LINGO2: variants seen among roughly 807,000 people sequenced by gnomAD.
LINGO2 encodes leucine rich repeat and Ig domain containing 2, also known as leucine-rich repeat and immunoglobulin-like domain-containing nogo receptor-interacting protein 2.
In LINGO2, 14 loss-of-function variants were observed where a neutral mutation model predicts 30.6. The observed-to-expected ratio is 0.46, with a 90% confidence interval of 0.30 to 0.72. The LOEUF is 0.72. Among genes scored for constraint, LINGO2 ranks in the 30% least tolerant of loss-of-function variants. The pLI is 0.07. For synonymous variants in LINGO2, 317 were observed against 288.5 expected (o/e 1.10, Z -1.00); for missense variants, 729 against 751.7 (o/e 0.97, Z 0.35).
At chr9:28,722,933 C>T in the LINGO2 span, among the ~76,000 whole-genome samples, 2 of 152,098 alleles carry the variant, frequency 1.3e-5, no homozygotes, top group Non-Finnish European at 2.9e-5. Context: ...CTGCTTATCA[C>T]ATGATGCTGC....
At chr9:28,490,070 T>A (rs1214724152) in intron 1 of LINGO2, among the ~76,000 whole-genome samples, 1 of 152,080 alleles carries the variant, frequency 6.6e-6, no homozygotes, top group Non-Finnish European at 1.5e-5. Flanking sequence ...AGTCTTGGCA[T>A]AAAATCAGTC....
intron 4 of LINGO2, among the ~76,000 whole-genome samples, chr9:28,184,575 G>A (rs553525062): frequency 1.1e-4 from 16 of 150,250 alleles, no homozygotes; most frequent in Middle Eastern, 6.9e-3. Flanking sequence ...GAGGAAGGAG[G>A]GTAAGAGGGG....
At chr9:28,718,077 A>G in the LINGO2 span, among the ~76,000 whole-genome samples, 1 of 152,024 alleles carries the variant, frequency 6.6e-6, no homozygotes, top group Non-Finnish European at 1.5e-5. Context: ...GATGGCAGGG[A>G]CAGAAAAAAT....
the LINGO2 span, among the ~76,000 whole-genome samples, chr9:28,686,034 C>T: frequency 6.6e-6 from 1 of 150,730 alleles, no homozygotes; most frequent in Admixed American, 6.6e-5. Context: ...AATCAATAAC[C>T]AAACATTCTA....
chr9:28,571,171 C>A (rs1480770242), intron 1 of LINGO2, among the ~76,000 whole-genome samples: 1 of 151,912 alleles, frequency 6.6e-6, no homozygotes, highest in African/African-American at 2.4e-5. Context: ...ACTTTCATGG[C>A]TGCTTATGAC....
chr9:28,910,768 T>C, the LINGO2 span, among the ~76,000 whole-genome samples: 1 of 151,998 alleles, frequency 6.6e-6, no homozygotes, highest in Non-Finnish European at 1.5e-5. Context: ...TTTTTTTCTT[T>C]ATAAATTACC....
intron 4 of LINGO2, among the ~76,000 whole-genome samples, chr9:28,170,121 C>A (rs745820857): frequency 8.5e-5 from 13 of 152,092 alleles, no homozygotes; most frequent in Non-Finnish European, 7.4e-5. Flanking sequence ...AGTGCCAGGA[C>A]CATACCTGGT....
intron 1 of LINGO2, among the ~76,000 whole-genome samples, chr9:28,517,864 G>T (rs1283407884): frequency 2.0e-5 from 3 of 152,038 alleles, no homozygotes; most frequent in Non-Finnish European, 4.4e-5. Flanking sequence ...TCATCCTCAA[G>T]GTACAAAGAT....
chr9:28,291,403 G>A (rs541720176), intron 4 of LINGO2, among the ~76,000 whole-genome samples: 42 of 152,268 alleles, frequency 2.8e-4, no homozygotes, highest in African/African-American at 9.9e-4. Flanking sequence ...GGGAGATGGC[G>A]TCACTTGTTT....
chr9:28,802,383 G>C, the LINGO2 span, among the ~76,000 whole-genome samples: 1 of 152,028 alleles, frequency 6.6e-6, no homozygotes, highest in Non-Finnish European at 1.5e-5. Context: ...TCTTTAATCT[G>C]TAAGATGAGC....
the LINGO2 span, among the ~76,000 whole-genome samples, chr9:28,740,474 C>T: frequency 2.8e-4 from 43 of 151,744 alleles, 1 homozygote; most frequent in Non-Finnish European, 4.3e-4. Flanking sequence ...TCCTGTTATA[C>T]GTAATATATA....
At chr9:29,014,322 A>C in the LINGO2 span, among the ~76,000 whole-genome samples, 2 of 152,148 alleles carry the variant, frequency 1.3e-5, no homozygotes, top group Admixed American at 1.3e-4. Flanking sequence ...AAAGTTAACC[A>C]TCATGGGATC....
the LINGO2 span, among the ~76,000 whole-genome samples, chr9:29,041,117 T>G: frequency 6.6e-6 from 1 of 152,010 alleles, no homozygotes; most frequent in African/African-American, 2.4e-5. Flanking sequence ...GATTTTAATT[T>G]TAAGGATAAT....
At chr9:28,668,723 C>G (rs1168785976) in intron 1 of LINGO2, among the ~76,000 whole-genome samples, 1 of 152,052 alleles carries the variant, frequency 6.6e-6, no homozygotes, top group Admixed American at 6.6e-5. Context: ...AGAGTATTCT[C>G]AGATATATTC....
rs139404460 is a variant in LINGO2 at position 28,025,728 on chromosome 9, A to G, written c.-86-13323T>C. 7.3e-3 allele frequency among the ~76,000 whole-genome samples: 1,116 copies of G among 152,330 alleles called. 21 individuals carry two copies. Among genetic ancestry groups the G allele is most frequent in the African/African-American group, 0.025 (1,054 of 41,576 alleles). On this transcript the variant is annotated intron_variant, in intron 4 of 5. Transcript: ENST00000379992. The stretch of plus-strand genomic sequence containing the variant: ...AGGAGAATTGTTAGATCAGAAAAGC[A>G]TACAGATTTGAAGAGAGACATCAGG...
At chr9:27,947,449 A>G (rs1168964862), downstream of LINGO2, among the ~76,000 whole-genome samples, 2 of 151,774 alleles carry the variant, frequency 1.3e-5, no homozygotes, top group East Asian at 1.9e-4. Flanking sequence ...CTCAGTGGAG[A>G]AAAAAAACAC....
intron 1 of LINGO2, among the ~76,000 whole-genome samples, chr9:28,552,965 T>A (rs1253680945): frequency 2.0e-5 from 3 of 152,028 alleles, no homozygotes; most frequent in African/African-American, 7.2e-5. Flanking sequence ...TCCCAGATAT[T>A]TTGAAGCTTT....
the LINGO2 span, among the ~76,000 whole-genome samples, chr9:29,172,776 A>G: frequency 2.0e-5 from 3 of 151,984 alleles, no homozygotes; most frequent in Non-Finnish European, 2.9e-5. Context: ...TAAAAGATCC[A>G]TAGAGGAATA....
chr9:29,051,569 G>A, the LINGO2 span, among the ~76,000 whole-genome samples: 3 of 152,082 alleles, frequency 2.0e-5, no homozygotes, highest in Non-Finnish European at 1.5e-5. Context: ...GTTCCCTAAT[G>A]TCCAGACTTT....
Sources: allele counts gnomAD v4.1 joint callset (sites outside exome capture counted in the v4.1 genomes callset), GRCh38; gene constraint gnomAD v4.1.1; transcripts MANE v1.5; gene names NCBI Gene and HGNC (gene_info 2026-07-23, HGNC 2026-07-21).